Variants in PTPRD observed in about 807,000 individuals in gnomAD.
The protein encoded by PTPRD is protein tyrosine phosphatase receptor type D, also known as receptor-type tyrosine-protein phosphatase delta.
A neutral mutation model predicts 214.5 loss-of-function variants in PTPRD; 34 were observed. That is an observed-to-expected ratio of 0.16 (90% CI 0.12 to 0.21). PTPRD has a LOEUF of 0.21. Ranked by LOEUF, PTPRD falls within the 10% of genes least tolerant of loss-of-function variation. The pLI is 1.00. For synonymous variants in PTPRD, 1,128 were observed against 845.7 expected, an observed-to-expected ratio of 1.33 and a Z score of -5.79; for missense variants, 2,545 against 2,398.7, an observed-to-expected ratio of 1.06 and a Z score of -1.27.
chr9:9,275,133 TATA>T (rs1342505152), intron 9 of PTPRD, among the ~76,000 whole-genome samples: 59 of 56,098 alleles, frequency 1.1e-3, no homozygotes, highest in African/African-American at 4.2e-3. Context: ...ATATATTATA[TATA>T]ATATATATAT....
At chr9:8,947,264 C>T (rs1329203304) in intron 11 of PTPRD, among the ~76,000 whole-genome samples, 2 of 151,462 alleles carry the variant, frequency 1.3e-5, no homozygotes, top group Admixed American at 6.6e-5. Context: ...GAGATCAAGA[C>T]CATCCTGGCT....
chr9:8,798,728 G>C (rs776824163), intron 11 of PTPRD, among the ~76,000 whole-genome samples: 1 of 152,136 alleles, frequency 6.6e-6, no homozygotes, highest in East Asian at 1.9e-4. Flanking sequence ...GAAATTTACA[G>C]GTAGTTAAAT....
At chr9:9,713,922 C>T (rs545177451) in intron 7 of PTPRD, among the ~76,000 whole-genome samples, 3 of 152,018 alleles carry the variant, frequency 2.0e-5, no homozygotes, top group South Asian at 2.1e-4. Context: ...GTGTGAGATG[C>T]TCTCAAAAGA....
chr9:8,344,902 C>A (rs1289909714), intron 39 of PTPRD, among the ~76,000 whole-genome samples: 1 of 63,326 alleles, frequency 1.6e-5, no homozygotes, highest in East Asian at 5.1e-4. Context: ...TTAAAAATAC[C>A]AAGTGTTTTG....
intron 5 of PTPRD, among the ~76,000 whole-genome samples, chr9:9,901,873 C>T (rs909721514): frequency 6.6e-6 from 1 of 152,164 alleles, no homozygotes; most frequent in Admixed American, 6.6e-5. Context: ...GGAAGTGCTA[C>T]ACACTCTCAA....
At chr9:10,145,804 A>G (rs1267052419) in intron 3 of PTPRD, among the ~76,000 whole-genome samples, 2 of 151,980 alleles carry the variant, frequency 1.3e-5, no homozygotes, top group Non-Finnish European at 2.9e-5. Context: ...GATATGCTTT[A>G]CTTTACATAA....
At chr9:10,129,342 G>A (rs926591754) in intron 3 of PTPRD, among the ~76,000 whole-genome samples, 2 of 152,030 alleles carry the variant, frequency 1.3e-5, no homozygotes, top group Admixed American at 1.3e-4. Context: ...TTTGTTTAGT[G>A]TCCTTTTTAA....
At chr9:9,287,761 T>C (rs534068283) in intron 9 of PTPRD, among the ~76,000 whole-genome samples, 12 of 152,030 alleles carry the variant, frequency 7.9e-5, no homozygotes, top group African/African-American at 2.9e-4. Flanking sequence ...GAAACACATT[T>C]GTATAAGTCT....
intron 8 of PTPRD, among the ~76,000 whole-genome samples, chr9:9,400,927 T>C (rs1370575951): frequency 2.0e-5 from 3 of 152,088 alleles, no homozygotes; most frequent in Admixed American, 2.0e-4. Context: ...ATAAAGGGTG[T>C]CTATTTTCTA....
In PTPRD at chr9:8,460,220, G is replaced by A. The variant is rs187702894; in HGVS notation, c.3875+191C>T. On this transcript the variant is annotated intron_variant, in intron 33 of 45. Transcript: ENST00000381196. ...GACAACAGAAGTCTATACCAAAACT[G>A]AATAAGATTCCAAATAGTACAGTCT... The A allele has an allele frequency of 3.1e-3, 2,278 of 724,528 alleles. 9 individuals carry two copies. The highest frequency in any genetic ancestry group is 4.5e-3 in the Non-Finnish European group (1,916 of 429,876). The allele number at this position is 724,528 out of a possible 1,614,324, so 44.9% of individuals were successfully genotyped here.
intron 39 of PTPRD, among the ~76,000 whole-genome samples, chr9:8,358,429 A>C (rs1453123674): frequency 6.6e-6 from 1 of 152,220 alleles, no homozygotes; most frequent in African/African-American, 2.4e-5. Context: ...ATTTTATGAA[A>C]GAACCAGGCT....
intron 7 of PTPRD, among the ~76,000 whole-genome samples, chr9:9,605,880 C>T (rs1048003405): frequency 2.0e-5 from 3 of 152,044 alleles, no homozygotes; most frequent in Non-Finnish European, 4.4e-5. Flanking sequence ...CATAATGAGG[C>T]TCTTTTATGT....
chr9:10,024,528 C>T (rs16930836), intron 4 of PTPRD, among the ~76,000 whole-genome samples: 8,409 of 152,128 alleles, frequency 0.055, 826 homozygotes, highest in African/African-American at 0.19. Flanking sequence ...TAGTCATGTC[C>T]TAATTCACTA....
chr9:9,922,144 A>C (rs1196467414), intron 5 of PTPRD, among the ~76,000 whole-genome samples: 5 of 152,090 alleles, frequency 3.3e-5, no homozygotes, highest in Non-Finnish European at 7.4e-5. Flanking sequence ...GCAACTCACC[A>C]CTTGGAAAAA....
At chr9:9,919,977 T>TAC (rs1377566215) in intron 5 of PTPRD, among the ~76,000 whole-genome samples, 2 of 152,198 alleles carry the variant, frequency 1.3e-5, no homozygotes, top group Admixed American at 1.3e-4. Context: ...TATCTTCATA[T>TAC]ACACCTTGAA....
intron 21 of PTPRD, 95 bp from the exon 22 acceptor site, chr9:8,507,529 T>C (rs893160512): frequency 3.8e-5 from 55 of 1,439,334 alleles, no homozygotes; most frequent in Non-Finnish European, 5.2e-5. Context: ...TTTCGAAATC[T>C]GTACACATGT....
chr9:10,521,753 G>C (rs2052368263), intron 2 of PTPRD, among the ~76,000 whole-genome samples: 1 of 152,102 alleles, frequency 6.6e-6, no homozygotes, highest in Admixed American at 6.6e-5. Context: ...CGACTGATGG[G>C]ATAGATGACT....
chr9:8,425,473 T>G (rs2094600201), intron 35 of PTPRD, among the ~76,000 whole-genome samples: 1 of 152,082 alleles, frequency 6.6e-6, no homozygotes, highest in Admixed American at 6.5e-5. Flanking sequence ...AGTCACAGAA[T>G]ATGTTGGGAA....
At chr9:10,289,699 A>C (rs1312122354) in intron 3 of PTPRD, among the ~76,000 whole-genome samples, 2 of 152,334 alleles carry the variant, frequency 1.3e-5, no homozygotes, top group East Asian at 3.9e-4. Context: ...CAAAGGGCTA[A>C]ATAGGAAATC....
Sources: gnomAD v4.1 joint callset for allele counts (sites outside exome capture counted in the v4.1 genomes callset) on GRCh38, gnomAD v4.1.1 for gene constraint, MANE v1.5 for transcripts, NCBI Gene and HGNC (gene_info 2026-07-23, HGNC 2026-07-21) for gene names.